The following ADGRV1 variants were observed in gnomAD, a reference collection of about 807,000 sequenced individuals.
ADGRV1 encodes adhesion G protein-coupled receptor V1, also known as G-protein coupled receptor 98.
Under a neutral mutation model 596.2 loss-of-function variants are expected in ADGRV1, and 359 were observed. The ratio of observed to expected loss-of-function variants is 0.60; its 90% CI spans 0.55 to 0.66. The LOEUF (loss-of-function observed/expected upper bound fraction) is 0.66. Among genes scored for constraint, ADGRV1 ranks in the 30% least tolerant of loss-of-function variants. ADGRV1 has a pLI of 0.00. For missense variants in ADGRV1, 7,274 were observed against 7,575.6 expected, an observed-to-expected ratio of 0.96 and a Z score of 1.48; for synonymous variants, 2,681 against 2,679.2, an observed-to-expected ratio of 1.00 and a Z score of -0.02.
At chr5:90,602,421 G>A (rs1029545746) in intron 1 of ADGRV1, among the ~76,000 whole-genome samples, 4 of 152,130 alleles carry the variant, frequency 2.6e-5, no homozygotes, top group Admixed American at 1.3e-4. Context: ...AACCAAGCTC[G>A]ACACCAATAG....
At chr5:90,752,785 A>G (rs1263305482) in intron 53 of ADGRV1, among the ~76,000 whole-genome samples, 1 of 152,254 alleles carries the variant, frequency 6.6e-6, no homozygotes, top group Non-Finnish European at 1.5e-5. Context: ...AATAGCAAAG[A>G]CATGGAATCA....
At chr5:90,926,147 A>G (rs1774418970) in intron 83 of ADGRV1, among the ~76,000 whole-genome samples, 1 of 149,882 alleles carries the variant, frequency 6.7e-6, no homozygotes. Flanking sequence ...CTGGCCTCAT[A>G]AAATGAGTTA....
intron 77 of ADGRV1, among the ~76,000 whole-genome samples, chr5:90,838,257 A>AT (rs898733914): frequency 6.8e-6 from 1 of 147,926 alleles, no homozygotes; most frequent in African/African-American, 2.5e-5. Flanking sequence ...TTTTTTTTTC[A>AT]TTTTTTGACA....
chr5:90,955,887 T>G (rs1250560728), intron 83 of ADGRV1, among the ~76,000 whole-genome samples: 2 of 152,190 alleles, frequency 1.3e-5, no homozygotes, highest in African/African-American at 4.8e-5. Context: ...TTTTAATTTA[T>G]AAGAAACAGC....
intron 66 of ADGRV1, 38 bp from the exon 67 acceptor site, chr5:90,783,800 T>C (rs754448762): frequency 6.9e-7 from 1 of 1,454,424 alleles, no homozygotes; most frequent in South Asian, 1.2e-5. Flanking sequence ...CACTTTAATA[T>C]GTTTAGACTC....
chr5:90,985,103 A>C (rs1780378636), intron 84 of ADGRV1, among the ~76,000 whole-genome samples: 2 of 152,260 alleles, frequency 1.3e-5, no homozygotes. Context: ...CAAATAAAAA[A>C]TACAGCAAAT....
At chr5:90,705,625 T>A in intron 37 of ADGRV1, 46 bp downstream of exon 37, 4 of 1,480,672 alleles carry the variant, frequency 2.7e-6, no homozygotes, top group Non-Finnish European at 3.7e-6. Flanking sequence ...CAAGTGCTTA[T>A]TAATATTCTA....
rs1313477592 is a variant in ADGRV1 at position 90,622,672 on chromosome 5, A to T, written c.529A>T (p.Thr177Ser). 6.4e-7 allele frequency: 1 copy of T among 1,551,604 alleles called. No individual in the cohort carries two copies. The highest frequency in any genetic ancestry group is 2.4e-5 in the East Asian group (1 of 42,178). ...MPLTLIREKG[T>S]YGMVMVTFEV... ...TCTTACTCTCATCAGGGAAAAGGGA[A>T]CCTATGGAATGGTCATGGTGACTTT... Residue 177 changes from threonine to serine, a missense_variant, in exon 5 of 90, where the codon ACC becomes TCC. This residue lies in a region of ADGRV1 where 1,715 missense variants were observed against 1,708.8 expected (regional missense o/e 1.00). Transcript: ENST00000405460.
chr5:90,798,239 G>T (rs1760969457), intron 70 of ADGRV1, among the ~76,000 whole-genome samples: 1 of 151,952 alleles, frequency 6.6e-6, no homozygotes, highest in Non-Finnish European at 1.5e-5. Flanking sequence ...ATGATATAGG[G>T]GATATCACCA....
chr5:90,705,892 G>A (rs369334378), intron 37 of ADGRV1, among the ~76,000 whole-genome samples: 6 of 152,210 alleles, frequency 3.9e-5, no homozygotes, highest in South Asian at 4.2e-4. Flanking sequence ...ATTCTTCTCC[G>A]GGAACAAATG....
chr5:90,956,080 G>A (rs1777451497), intron 83 of ADGRV1, among the ~76,000 whole-genome samples: 1 of 152,058 alleles, frequency 6.6e-6, no homozygotes, highest in African/African-American at 2.4e-5. Context: ...CATCTAACAA[G>A]GTTTCCTTTC....
chr5:90,672,259 GTTGGAAC>G (rs1244931354), intron 21 of ADGRV1, among the ~76,000 whole-genome samples: 1 of 152,184 alleles, frequency 6.6e-6, no homozygotes, highest in Non-Finnish European at 1.5e-5. Flanking sequence ...TGGCACAGTG[GTTGGAAC>G]ACAGGAGGTA....
intron 75 of ADGRV1, among the ~76,000 whole-genome samples, chr5:90,817,129 T>C (rs1435459251): frequency 6.6e-6 from 1 of 152,180 alleles, no homozygotes; most frequent in Non-Finnish European, 1.5e-5. Context: ...TGGTATCTCA[T>C]TGTGGTTTTG....
At chr5:90,982,669 T>C (rs1239234416) in intron 84 of ADGRV1, among the ~76,000 whole-genome samples, 1 of 152,240 alleles carries the variant, frequency 6.6e-6, no homozygotes, top group Non-Finnish European at 1.5e-5. Context: ...ACGCCCTTTC[T>C]ATGTCCACTT....
chr5:90,965,352 C>A, intron 83 of ADGRV1, 63 bp from the exon 84 acceptor site: 1 of 1,063,522 alleles, frequency 9.4e-7, no homozygotes, highest in East Asian at 2.4e-5. Flanking sequence ...AAGCAGTTTA[C>A]TTTCTTAATA....
chr5:91,111,192 CTT>C (rs1382991022), intron 87 of ADGRV1, among the ~76,000 whole-genome samples: 3 of 152,094 alleles, frequency 2.0e-5, no homozygotes, highest in Middle Eastern at 3.2e-3. Flanking sequence ...AAACATTTCT[CTT>C]ATTTAAAATA....
At chr5:90,977,074 G>C (rs1037841888) in intron 84 of ADGRV1, among the ~76,000 whole-genome samples, 1 of 152,130 alleles carries the variant, frequency 6.6e-6, no homozygotes, top group Admixed American at 6.6e-5. Flanking sequence ...AGCAAAACAG[G>C]AAGGAAAATG....
rs1299020576 is a variant in ADGRV1, at chr5:90,627,292, A to G, written c.754A>G (p.Ile252Val). 4 of 1,612,304 alleles carry G rather than the reference A, an allele frequency of 2.5e-6. No individual in the cohort carries two copies. The Admixed American group carries it at 6.7e-5, about 27-fold the overall frequency. ...GAEINTSRNSIEIIIKKNDSP... is the reference protein window; with the variant it reads ...GAEINTSRNSVEIIIKKNDSP... ...TGAGATTAACACCTCTAGGAATTCC[A>G]TTGAGATCATCATTAAGAAAAATGA... Residue 252 changes from isoleucine (I) to valine (V), a missense_variant, in exon 7 of 90, where the codon ATT becomes GTT. Ile to Val is a conservative substitution (Grantham distance 29). Around this residue, in one of 5 missense-constraint regions of ADGRV1, gnomAD observed 1,715 missense variants for 1,708.8 expected, o/e 1.00. Coordinates refer to ENST00000405460, the MANE Select transcript of ADGRV1 (RefSeq NM_032119.4).
intron 85 of ADGRV1, among the ~76,000 whole-genome samples, chr5:91,009,873 T>C (rs1237403271): frequency 6.6e-6 from 1 of 152,032 alleles, no homozygotes; most frequent in Non-Finnish European, 1.5e-5. Context: ...ATTAAGGACA[T>C]ACAATTAAAT....
Sources: gnomAD v4.1 joint callset for allele counts (sites outside exome capture counted in the v4.1 genomes callset) on GRCh38, gnomAD v4.1.1 for gene constraint, gnomAD v4.1.1 regional missense constraint, MANE v1.5 for transcripts, NCBI Gene and HGNC (gene_info 2026-07-23, HGNC 2026-07-21) for gene names.